The following WT1 variants were observed in gnomAD, a reference collection of about 807,000 sequenced individuals.
WT1 encodes the protein WT1 transcription factor.
In WT1, 8 loss-of-function variants were observed where a neutral mutation model predicts 60.8. That is an observed-to-expected ratio of 0.13 (90% confidence interval 0.08 to 0.24). The LOEUF (loss-of-function observed/expected upper bound fraction) is 0.24. WT1 is among the 10% of genes least tolerant of loss of function. The pLI is 1.00. For synonymous variants in WT1, 312 were observed against 297.1 expected (o/e 1.05, Z -0.52); for missense variants, 568 against 711.8 (o/e 0.80, Z 2.30).
chr11:32,396,128 T>C, intron 7 of WT1, 129 bp downstream of exon 7: 1 of 1,348,482 alleles, frequency 7.4e-7, no homozygotes, highest in Non-Finnish European at 1.0e-6. Flanking sequence ...TTACAACACC[T>C]GGATCAGACC....
At chr11:32,402,513 C>A (rs1852187249) in intron 5 of WT1, among the ~76,000 whole-genome samples, 1 of 152,252 alleles carries the variant, frequency 6.6e-6, no homozygotes, top group African/African-American at 2.4e-5. Context: ...TTGCTTGCTT[C>A]AGTCATCTGC....
At chr11:32,405,999 A>C (rs1339215691) in intron 5 of WT1, among the ~76,000 whole-genome samples, 1 of 152,136 alleles carries the variant, frequency 6.6e-6, no homozygotes, top group Non-Finnish European at 1.5e-5. Flanking sequence ...GGGATGAATG[A>C]AATTAGGCAT....
chr11:32,392,213 C>A lies in WT1; in HGVS notation c.1355-149G>T, dbSNP rs150767364. 3.6e-4 allele frequency: 275 copies of A among 756,322 alleles called. No homozygotes were observed. The African/African-American group carries it at 4.4e-3, about 12-fold the overall frequency. 46.9% of individuals were successfully genotyped at this position (756,322 alleles called of 1,614,324 possible). A position where few individuals can be genotyped will look rare whatever the true frequency, so the allele number is the denominator to read the frequency against. ...GCCTCACCCTTAGATTTCCCCAGTC[C>A]CCCAGGCCCAACAAGAATCACTGAT... On this transcript the variant is annotated intron_variant, in intron 8 of 9. Coordinates refer to ENST00000452863, the MANE Select transcript of WT1 (RefSeq NM_024426.6).
intron 9 of WT1, among the ~76,000 whole-genome samples, chr11:32,389,803 G>A (rs977472277): frequency 2.6e-5 from 4 of 152,128 alleles, no homozygotes; most frequent in South Asian, 4.2e-4. Flanking sequence ...TAGTTGGGGC[G>A]TGGTTCTTAG....
At chr11:32,404,548 C>T (rs186544564) in intron 5 of WT1, among the ~76,000 whole-genome samples, 89 of 152,092 alleles carry the variant, frequency 5.9e-4, no homozygotes, top group African/African-American at 2.1e-3. Context: ...TTCTCCTGTC[C>T]TGCCACAGAG....
At chr11:32,391,903 C>T (rs1238144897) in intron 9 of WT1, 69 bp downstream of exon 9, 1 of 1,506,938 alleles carries the variant, frequency 6.6e-7, no homozygotes, top group South Asian at 1.1e-5. Flanking sequence ...CAATCCCTCT[C>T]ATCACAATTT....
Position 32,388,266 on chromosome 11 carries a change from C to T in WT1, c.*792G>A, listed in dbSNP as rs746314166. The T allele has an allele frequency of 2.1e-5, 5 of 233,568 alleles. No individual in the cohort carries two copies. Among genetic ancestry groups the T allele is most frequent in the Non-Finnish European group, 4.2e-5 (5 of 118,078 alleles). 14.5% of individuals were successfully genotyped at this position (233,568 alleles called of 1,614,324 possible). On this transcript the variant is annotated 3_prime_UTR_variant, in exon 10 of 10. Transcript: ENST00000452863. Reference sequence around the variant, plus strand: ...CCAGTGATGAAAATGAATTCCCCTCCATTTGTGCAAGGAGGTATGTACATC... The same window carrying T: ...CCAGTGATGAAAATGAATTCCCCTCTATTTGTGCAAGGAGGTATGTACATC...
rs886048244 is a variant in WT1, at chr11:32,435,500, G to A, written c.-140C>T. ...GGCGGTCGGGTTGCGGAGAGCCCCC[G>A]GGTGTGGGCGCTGCCTTGAACTCCT... is the stretch of plus-strand genomic sequence containing the variant. On this transcript the variant is annotated 5_prime_UTR_variant, in exon 1 of 10. Coordinates refer to ENST00000452863, the MANE Select transcript of WT1 (RefSeq NM_024426.6). 1.1e-5 allele frequency: 15 copies of A among 1,339,536 alleles called. No individual in the cohort carries two copies. The Admixed American group carries it at 2.0e-4, about 18-fold the overall frequency. 83.0% of individuals were successfully genotyped at this position (1,339,536 alleles called of 1,614,324 possible). A position where few individuals can be genotyped will look rare whatever the true frequency, so the allele number is the denominator to read the frequency against.
intron 5 of WT1, among the ~76,000 whole-genome samples, chr11:32,414,872 CAA>C (rs551997180): frequency 4.1e-4 from 36 of 88,664 alleles, no homozygotes; most frequent in Admixed American, 6.1e-4. Context: ...GACTCCATAT[CAA>C]AAAAAAAAAA....
intron 5 of WT1, among the ~76,000 whole-genome samples, chr11:32,404,159 G>T (rs1852240353): frequency 6.6e-6 from 1 of 150,934 alleles, no homozygotes; most frequent in African/African-American, 2.4e-5. Flanking sequence ...AATCCTATCT[G>T]CTTGGGAGGC....
chr11:32,405,159 G>A (rs1376035180), intron 5 of WT1, among the ~76,000 whole-genome samples: 3 of 152,244 alleles, frequency 2.0e-5, no homozygotes, highest in Admixed American at 6.5e-5. Flanking sequence ...AGAATGAGAC[G>A]ATATTGAACT....
chr11:32,403,267 T>C (rs1271888220), intron 5 of WT1, among the ~76,000 whole-genome samples: 1 of 152,156 alleles, frequency 6.6e-6, no homozygotes, highest in Non-Finnish European at 1.5e-5. Flanking sequence ...CCCAATGTAG[T>C]GTGCCCAGAA....
At chr11:32,415,361 T>C (rs897459107) in intron 5 of WT1, among the ~76,000 whole-genome samples, 3 of 151,934 alleles carry the variant, frequency 2.0e-5, no homozygotes, top group African/African-American at 7.3e-5. Context: ...TAAGAACAGG[T>C]AGAAAGGCCA....
At chr11:32,414,147 T>C (rs182595119) in intron 5 of WT1, among the ~76,000 whole-genome samples, 3 of 152,380 alleles carry the variant, frequency 2.0e-5, no homozygotes, top group Admixed American at 2.0e-4. Flanking sequence ...AATTAGCTAA[T>C]TGTAATTTTT....
At chr11:32,427,435 C>A (rs1039679460) in intron 3 of WT1, among the ~76,000 whole-genome samples, 1 of 152,222 alleles carries the variant, frequency 6.6e-6, no homozygotes, top group African/African-American at 2.4e-5. Flanking sequence ...GCACCCCGGC[C>A]GGGGGCCCAC....
intron 3 of WT1, among the ~76,000 whole-genome samples, 187 bp from the exon 4 acceptor site, chr11:32,417,841 A>G (rs1249193969): frequency 1.3e-5 from 2 of 152,212 alleles, no homozygotes; most frequent in African/African-American, 4.8e-5. Flanking sequence ...TATACACTTC[A>G]TACACAGCAG....
chr11:32,422,497 G>A (rs1852887742), intron 3 of WT1, among the ~76,000 whole-genome samples: 1 of 152,180 alleles, frequency 6.6e-6, no homozygotes, highest in Non-Finnish European at 1.5e-5. Context: ...ATGTACATAG[G>A]TACACAAGTG....
At chr11:32,411,941 T>C (rs1852512404) in intron 5 of WT1, among the ~76,000 whole-genome samples, 1 of 152,186 alleles carries the variant, frequency 6.6e-6, no homozygotes, top group Non-Finnish European at 1.5e-5. Flanking sequence ...AATTAATAAC[T>C]TGTTGCTGGG....
At chr11:32,400,104 C>T in intron 5 of WT1, 60 bp from the exon 6 acceptor site, 2 of 1,578,334 alleles carry the variant, frequency 1.3e-6, no homozygotes, top group Non-Finnish European at 1.7e-6. Context: ...TTTGGAAATG[C>T]TTATCTGCAA....
Sources: gnomAD v4.1 joint callset for allele counts (sites outside exome capture counted in the v4.1 genomes callset) on GRCh38, gnomAD v4.1.1 for gene constraint, MANE v1.5 for transcripts, NCBI Gene and HGNC (gene_info 2026-07-23, HGNC 2026-07-21) for gene names.